Variants in PHACTR3 observed in about 807,000 individuals in gnomAD.
PHACTR3 encodes the protein phosphatase and actin regulator 3.
Under a neutral mutation model 66.8 loss-of-function variants are expected in PHACTR3, and 16 were observed. That is an observed-to-expected ratio of 0.24 (90% CI 0.16 to 0.36). The LOEUF (loss-of-function observed/expected upper bound fraction) is 0.36, where lower values mean the gene tolerates loss of function less well. PHACTR3 is among the 10% of genes least tolerant of loss of function. The pLI is 1.00. For synonymous variants in PHACTR3, 323 were observed against 292.1 expected (o/e 1.11, Z -1.08); for missense variants, 647 against 719.9 (o/e 0.90, Z 1.16).
chr20:59,832,043 C>G (rs1159415198), intron 8 of PHACTR3, among the ~76,000 whole-genome samples: 1 of 149,050 alleles, frequency 6.7e-6, no homozygotes, highest in Non-Finnish European at 1.5e-5. Flanking sequence ...CTGGGCCTGA[C>G]TCTCTGTGCT....
At chr20:59,639,904 T>C (rs1201891292) in intron 1 of PHACTR3, among the ~76,000 whole-genome samples, 2 of 152,342 alleles carry the variant, frequency 1.3e-5, no homozygotes, top group African/African-American at 2.4e-5. Flanking sequence ...TCCGTGATAA[T>C]GCAGGAAAAA....
chr20:59,802,936 T>C (rs1013995365), intron 7 of PHACTR3, among the ~76,000 whole-genome samples: 2 of 152,234 alleles, frequency 1.3e-5, no homozygotes, highest in African/African-American at 4.8e-5. Flanking sequence ...AGTTGTGTAC[T>C]TGGAAAGACA....
At chr20:59,684,677 C>T (rs539531879) in intron 1 of PHACTR3, among the ~76,000 whole-genome samples, 3 of 152,318 alleles carry the variant, frequency 2.0e-5, no homozygotes, top group East Asian at 3.9e-4. Flanking sequence ...CACAACCTCA[C>T]CCGCAGGAAT....
At chr20:59,835,594 T>C (rs1369972415) in intron 8 of PHACTR3, among the ~76,000 whole-genome samples, 1 of 152,208 alleles carries the variant, frequency 6.6e-6, no homozygotes, top group Non-Finnish European at 1.5e-5. Flanking sequence ...GGAAGGTTTC[T>C]GGCTCTGGCC....
At chr20:59,777,282 C>T (rs576545086) in intron 7 of PHACTR3, among the ~76,000 whole-genome samples, 20 of 152,296 alleles carry the variant, frequency 1.3e-4, no homozygotes, top group Admixed American at 3.3e-4. Context: ...TGCAAAGATC[C>T]GATTTCCAAA....
At chr20:59,577,602 C>G (rs989956811) in exon 1 of PHACTR3, 6 of 1,209,224 alleles carry the variant, frequency 5.0e-6, no homozygotes, top group African/African-American at 1.6e-5. Flanking sequence ...CGCCGCCGCC[C>G]GAGATCCTGC....
At chr20:59,791,776 T>C (rs1600665140) in intron 7 of PHACTR3, among the ~76,000 whole-genome samples, 1 of 134,136 alleles carries the variant, frequency 7.5e-6, no homozygotes, top group African/African-American at 2.8e-5. Flanking sequence ...GTGATGGTCC[T>C]GTTCCTGTGT....
intron 7 of PHACTR3, among the ~76,000 whole-genome samples, chr20:59,778,995 G>A (rs1309693027): frequency 6.6e-6 from 1 of 152,230 alleles, no homozygotes; most frequent in South Asian, 2.1e-4. Flanking sequence ...GTGTTACATG[G>A]GGTGTCATCT....
chr20:59,685,692 C>T lies in PHACTR3; in HGVS notation c.119-57415C>T, dbSNP rs549107724. Among the ~76,000 whole-genome samples the T allele has an allele frequency of 2.6e-5, 4 of 152,334 alleles. No individual in the cohort carries two copies. The South Asian group carries it at 6.2e-4, about 24-fold the overall frequency. The stretch of plus-strand genomic sequence containing the variant: ...CTCTACCGTGCTGTCTCAGGACACT[C>T]GTCCCCTGCCTTACCATTCGGTCAG... On this transcript the variant is annotated intron_variant, in intron 1 of 12. Coordinates refer to ENST00000371015, the MANE Select transcript of PHACTR3 (RefSeq NM_080672.5).
rs1015888735 is a variant in PHACTR3, at chr20:59,736,286, G to A, written c.119-6821G>A. 3.3e-5 allele frequency among the ~76,000 whole-genome samples: 5 copies of A among 152,126 alleles called. No homozygotes were observed. The highest frequency in any genetic ancestry group is 1.3e-4 in the Admixed American group (2 of 15,284). On this transcript the variant is annotated intron_variant, in intron 1 of 12. Coordinates refer to ENST00000371015, the MANE Select transcript of PHACTR3 (RefSeq NM_080672.5). This position sits in a 1 kb window ranked among gnomAD's most constrained non-coding sequence, Gnocchi z 4.6. Reference sequence around the variant, plus strand: ...CTGGCACTACTGTTATTCAGAGGCTGGGGGGTGGCTGCTAATGTGTTTGCA... The same window carrying A: ...CTGGCACTACTGTTATTCAGAGGCTAGGGGGTGGCTGCTAATGTGTTTGCA...
intron 8 of PHACTR3, among the ~76,000 whole-genome samples, chr20:59,832,894 T>C (rs894785887): frequency 1.3e-5 from 2 of 152,208 alleles, no homozygotes; most frequent in Admixed American, 6.5e-5. Context: ...GTCTGAACGG[T>C]GGCCTGGCCT....
chr20:59,631,007 G>A (rs2034640925), intron 1 of PHACTR3, among the ~76,000 whole-genome samples: 1 of 152,176 alleles, frequency 6.6e-6, no homozygotes, highest in South Asian at 2.1e-4. Flanking sequence ...CCACCACCAG[G>A]GATGCTGGCA....
At chr20:59,769,764 G>T (rs936911064) in intron 5 of PHACTR3, among the ~76,000 whole-genome samples, 2 of 152,354 alleles carry the variant, frequency 1.3e-5, no homozygotes, top group African/African-American at 4.8e-5. Context: ...ATGAGTGAAT[G>T]AATGCATGCG....
At chr20:59,758,956 A>G (rs1021681043) in intron 4 of PHACTR3, among the ~76,000 whole-genome samples, 1 of 152,314 alleles carries the variant, frequency 6.6e-6, no homozygotes, top group East Asian at 1.9e-4. Flanking sequence ...AGCACTTGGA[A>G]AGTGTCTGCT....
chr20:59,735,174 C>T (rs947587601), intron 1 of PHACTR3, among the ~76,000 whole-genome samples: 2 of 152,104 alleles, frequency 1.3e-5, no homozygotes, highest in African/African-American at 4.8e-5. Flanking sequence ...GCTCATGTCA[C>T]ATTATGAGGT....
chr20:59,672,338 T>C (rs1245234473), intron 1 of PHACTR3, among the ~76,000 whole-genome samples: 5 of 152,196 alleles, frequency 3.3e-5, no homozygotes, highest in African/African-American at 1.2e-4. Context: ...TCCTCGAACC[T>C]CAGTTTCCCA....
At chr20:59,637,307 C>G (rs1034402575) in intron 1 of PHACTR3, among the ~76,000 whole-genome samples, 3 of 152,228 alleles carry the variant, frequency 2.0e-5, no homozygotes, top group African/African-American at 2.4e-5. Flanking sequence ...TGGCAGATGC[C>G]TTTTCCCTGT....
intron 7 of PHACTR3, among the ~76,000 whole-genome samples, chr20:59,805,182 G>T (rs1251781338): frequency 6.6e-6 from 1 of 152,166 alleles, no homozygotes; most frequent in African/African-American, 2.4e-5. Context: ...CCCCATCTCT[G>T]CTCCTAAGTA....
At chr20:59,836,077 A>G (rs2042517285) in intron 8 of PHACTR3, 1 of 159,074 alleles carries the variant, frequency 6.3e-6, no homozygotes, top group South Asian at 1.9e-4. Context: ...GGAAGCATGA[A>G]TCTCCCAGCA....
Sources: gnomAD v4.1 joint callset for allele counts (sites outside exome capture counted in the v4.1 genomes callset) on GRCh38, gnomAD v4.1.1 for gene constraint, Gnocchi (gnomAD v3.1) non-coding constraint, MANE v1.5 for transcripts, NCBI Gene and HGNC (gene_info 2026-07-23, HGNC 2026-07-21) for gene names.